The following SI variants were observed in gnomAD, a reference collection of about 807,000 sequenced individuals.
SI encodes the protein sucrase-isomaltase, intestinal.
Under a neutral mutation model 253.3 loss-of-function variants are expected in SI, and 235 were observed. The ratio of observed to expected loss-of-function variants is 0.93; its 90% CI spans 0.83 to 1.03. The LOEUF (loss-of-function observed/expected upper bound fraction) is 1.03. Ranked by LOEUF, SI falls within the 50% of genes least tolerant of loss-of-function variation. The pLI is 0.00. For synonymous variants in SI, 819 were observed against 712.0 expected (o/e 1.15, Z -2.39); for missense variants, 2,442 against 2,211.1 (o/e 1.10, Z -2.09).
chr3:165,066,659 T>C (rs1714262236), intron 6 of SI, among the ~76,000 whole-genome samples: 1 of 151,908 alleles, frequency 6.6e-6, no homozygotes, highest in South Asian at 2.1e-4. Flanking sequence ...AGATTCAACA[T>C]ATAAGGGAGA....
At chr3:165,040,442 C>T (rs1402496293) in intron 18 of SI, among the ~76,000 whole-genome samples, 3 of 151,988 alleles carry the variant, frequency 2.0e-5, no homozygotes, top group Non-Finnish European at 4.4e-5. Flanking sequence ...CATAAAGTAT[C>T]GGAAATCTTT....
rs9838509 is a variant in SI, at chr3:165,046,931, C to A, written c.1797G>T (p.Ala599=). ...STFAGSGRHA[A]HWLGDNTASW... ...AAGCAGTATTGTCTCCTAACCAATGCGCAGCATGTCTTCCAGATCCAGCAA... is the reference window on the plus strand; with the variant it reads ...AAGCAGTATTGTCTCCTAACCAATGAGCAGCATGTCTTCCAGATCCAGCAA... The change falls in exon 16 of 48, where the codon GCG becomes GCT. Residue 599 remains alanine, a synonymous_variant. Transcript: ENST00000264382. The A allele has an allele frequency of 0.6, 960,579 of 1,611,608 alleles. 289,208 individuals are homozygous for A. Among genetic ancestry groups the A allele is most frequent in the East Asian group, 0.83 (37,063 of 44,712 alleles).
chr3:165,042,928 G>A (rs867590232), intron 17 of SI, 131 bp downstream of exon 17: 5 of 710,564 alleles, frequency 7.0e-6, no homozygotes, highest in Middle Eastern at 7.0e-4. Flanking sequence ...TTGAGAGAGG[G>A]ACTTCTAACA....
rs187004639 is a variant in SI at position 165,034,301 on chromosome 3, T to C, written c.2516-857A>G. Among the ~76,000 whole-genome samples, 160 of 152,128 alleles carry C rather than the reference T, an allele frequency of 1.1e-3. 2 individuals carry two copies. In the East Asian group the frequency reaches 0.03, roughly 29 times the overall value. ...ACTGATTGAATTATATTATTCATAT[T>C]CTTAACTACTTACTTATATGAAAGT... On this transcript the variant is annotated intron_variant, in intron 22 of 47. Transcript: ENST00000264382.
intron 12 of SI, 24 bp from the exon 13 acceptor site, chr3:165,055,331 A>G: frequency 8.5e-7 from 1 of 1,177,216 alleles, no homozygotes. Flanking sequence ...TCATTCACAT[A>G]TATACATAAA....
intron 36 of SI, among the ~76,000 whole-genome samples, chr3:165,007,590 A>G (rs182647980): frequency 6.6e-5 from 10 of 151,980 alleles, no homozygotes; most frequent in African/African-American, 1.7e-4. Context: ...TATTAAGCAA[A>G]CCAAAATAAC....
rs1471481347 is a variant in SI, at chr3:165,069,191, A to C, written c.260T>G (p.Ile87Ser). The change falls in exon 4 of 48, where the codon ATT becomes AGT. Residue 87 changes from isoleucine to serine, a missense_variant. By Grantham distance (142) the Ile-to-Ser change is moderately radical. Transcript: ENST00000264382. ...CCAGCAGCAGCCTCTCTGTGCACAA[A>C]TTCCCTGATAAAATATTTTTAAAGG... ...CIPEQFPTEG[I>S]CAQRGCCWRP... 1 of 1,595,362 alleles carries C rather than the reference A, an allele frequency of 6.3e-7. No individual in the cohort carries two copies. Among genetic ancestry groups the C allele is most frequent in the Admixed American group, 1.7e-5 (1 of 59,942 alleles).
At chr3:164,986,420 C>G (rs1717439873) in intron 45 of SI, among the ~76,000 whole-genome samples, 1 of 152,144 alleles carries the variant, frequency 6.6e-6, no homozygotes, top group African/African-American at 2.4e-5. Context: ...GGGGTCTTAC[C>G]CCATACCTGA....
chr3:165,072,136 T>C (rs1714617412), intron 3 of SI, among the ~76,000 whole-genome samples: 1 of 152,078 alleles, frequency 6.6e-6, no homozygotes, highest in Admixed American at 6.6e-5. Flanking sequence ...CTCATGTATA[T>C]GAAAACCTAA....
At chr3:164,985,248 CTT>C (rs1184018785) in intron 45 of SI, among the ~76,000 whole-genome samples, 1 of 152,210 alleles carries the variant, frequency 6.6e-6, no homozygotes, top group East Asian at 1.9e-4. Context: ...AATGAATTAA[CTT>C]AATTTGTTAA....
At chr3:165,040,866 T>G (rs910306124) in intron 18 of SI, 74 bp downstream of exon 18, 2 of 1,195,098 alleles carry the variant, frequency 1.7e-6, no homozygotes, top group Admixed American at 1.8e-5. Flanking sequence ...TTGATTTACC[T>G]CCATTAAACT....
chr3:165,073,873 T>C (rs1714763984), intron 3 of SI, among the ~76,000 whole-genome samples: 1 of 152,042 alleles, frequency 6.6e-6, no homozygotes, highest in Non-Finnish European at 1.5e-5. Context: ...AATACTGCCA[T>C]TTTATTTGAG....
chr3:164,990,211 C>T (rs1436532603), intron 44 of SI, among the ~76,000 whole-genome samples: 2 of 151,910 alleles, frequency 1.3e-5, no homozygotes, highest in Non-Finnish European at 2.9e-5. Flanking sequence ...CTCAATTTTG[C>T]TGTATAAAAC....
At chr3:165,086,393 T>C in the SI span, among the ~76,000 whole-genome samples, 1 of 152,126 alleles carries the variant, frequency 6.6e-6, no homozygotes, top group Non-Finnish European at 1.5e-5. Flanking sequence ...AGGAACTAGG[T>C]TGCTGGCACA....
At chr3:164,983,162 C>T in intron 45 of SI, 111 bp from the exon 46 acceptor site, 1 of 1,018,084 alleles carries the variant, frequency 9.8e-7, no homozygotes, top group Middle Eastern at 2.7e-4. Context: ...CAAATATTAT[C>T]AAGATGTACC....
chr3:165,030,695 G>C lies in SI; in HGVS notation c.2892+17C>G. On this transcript the variant is annotated intron_variant, in intron 25 of 47. Coordinates refer to ENST00000264382, the MANE Select transcript of SI (RefSeq NM_001041.4). Reference sequence around the variant, plus strand: ...TGTGATAACCATATCATGAGTAATAGTTAAAATTATTATTACCGTTCTCCA... The same window carrying C: ...TGTGATAACCATATCATGAGTAATACTTAAAATTATTATTACCGTTCTCCA... 6.2e-7 allele frequency: 1 copy of C among 1,605,426 alleles called. No homozygotes were observed. The highest frequency in any genetic ancestry group is 8.5e-7 in the Non-Finnish European group (1 of 1,174,408).
Position 165,069,080 on chromosome 3 carries a change from A to G in SI, c.371T>C (p.Ile124Thr), listed in dbSNP as rs889224862. The G allele has an allele frequency of 6.3e-7, 1 of 1,594,278 alleles. No individual in the cohort carries two copies. Among genetic ancestry groups the G allele is most frequent in the African/African-American group, 1.3e-5 (1 of 74,660 alleles). The change falls in exon 4 of 48, where the codon ATT (isoleucine) becomes ACT (threonine). Residue 124 changes from isoleucine (I) to threonine (T), a missense_variant and splice_region_variant. Physicochemically the swap from Ile to Thr is moderately conservative, Grantham distance 89. Coordinates refer to ENST00000264382, the MANE Select transcript of SI (RefSeq NM_001041.4). ...CATTATAACAGAGGACTTCTTACCA[A>G]TACTTGTTGTTGTCATGTCTTGAAC... ...YNVQDMTTTS[I>T]GVEAKLNRIP...
rs1473177884 is a variant in SI, at chr3:165,038,013, C to T, written c.2313G>A (p.Arg771=). 2 of 1,587,068 alleles carry T rather than the reference C, an allele frequency of 1.3e-6. No individual in the cohort carries two copies. The highest frequency in any genetic ancestry group is 2.2e-5 in the East Asian group (1 of 44,514). The part of the protein sequence containing the change: ...IWYDYESGAK[R]PWRKQRVDMY... ...TATCAACCCGTTGTTTCCTCCATGG[C>T]CTTTTTGCACCCTAATAATTGGAAG... The change falls in exon 21 of 48, where the codon AGG becomes AGA. Residue 771 remains arginine, a synonymous_variant. Coordinates refer to ENST00000264382, the MANE Select transcript of SI (RefSeq NM_001041.4).
chr3:165,019,469 T>C (rs938791528), intron 28 of SI, 133 bp downstream of exon 28: 1 of 837,940 alleles, frequency 1.2e-6, no homozygotes, highest in African/African-American at 1.7e-5. Context: ...AAAATTGCTA[T>C]AGCTGCTCTG....
Sources: gnomAD v4.1 joint callset for allele counts (sites outside exome capture counted in the v4.1 genomes callset) on GRCh38, gnomAD v4.1.1 for gene constraint, MANE v1.5 for transcripts, NCBI Gene and HGNC (gene_info 2026-07-23, HGNC 2026-07-21) for gene names.